The following RPS6KA2 variants were observed in gnomAD, a reference collection of about 807,000 sequenced individuals.
The protein encoded by RPS6KA2 is ribosomal protein S6 kinase alpha-2.
Under a neutral mutation model 91.8 loss-of-function variants are expected in RPS6KA2, and 42 were observed. That is an observed-to-expected ratio of 0.46 (90% CI 0.36 to 0.59). The LOEUF is 0.59. RPS6KA2 is among the 20% of genes least tolerant of loss of function. The pLI, the probability that RPS6KA2 is intolerant of heterozygous loss-of-function variation, is 0.00. For synonymous variants in RPS6KA2, 414 were observed against 393.6 expected (o/e 1.05, Z -0.61); for missense variants, 798 against 978.5 (o/e 0.82, Z 2.46).
intron 17 of RPS6KA2, among the ~76,000 whole-genome samples, chr6:166,422,254 T>C (rs1352576726): frequency 6.6e-6 from 1 of 152,204 alleles, no homozygotes; most frequent in East Asian, 1.9e-4. Flanking sequence ...GGATGACCCC[T>C]GCATAACCTA....
At chr6:166,702,501 C>T in intron 2 of RPS6KA2, 1 of 1,552,980 alleles carries the variant, frequency 6.4e-7, no homozygotes, top group Non-Finnish European at 8.9e-7. Context: ...AGTCAGTGTT[C>T]ACTTGCTGAC....
intron 2 of RPS6KA2, among the ~76,000 whole-genome samples, chr6:166,797,080 A>G (rs1486205809): frequency 6.6e-6 from 1 of 152,216 alleles, no homozygotes; most frequent in Non-Finnish European, 1.5e-5. Context: ...TGTCGGTCTG[A>G]GCACAGCTGA....
chr6:166,510,778 T>C (rs1782454672), intron 3 of RPS6KA2, among the ~76,000 whole-genome samples: 1 of 151,406 alleles, frequency 6.6e-6, no homozygotes, highest in Non-Finnish European at 1.5e-5. Context: ...ATCCAATCTA[T>C]ATTCAGTCCT....
At chr6:166,695,615 G>A (rs1436190443) in intron 2 of RPS6KA2, among the ~76,000 whole-genome samples, 1 of 152,214 alleles carries the variant, frequency 6.6e-6, no homozygotes, top group Non-Finnish European at 1.5e-5. Context: ...GCAAGCGAGT[G>A]TTACCTCTCT....
chr6:166,808,010 C>A (rs1400196102), intron 2 of RPS6KA2, among the ~76,000 whole-genome samples: 5 of 151,660 alleles, frequency 3.3e-5, no homozygotes, highest in African/African-American at 1.2e-4. Flanking sequence ...ACTGATGCAC[C>A]TCGGGATGCA....
intron 2 of RPS6KA2, among the ~76,000 whole-genome samples, chr6:166,772,165 C>T (rs1219885217): frequency 2.6e-5 from 4 of 152,216 alleles, no homozygotes; most frequent in African/African-American, 4.8e-5. Context: ...TTCTACCCAG[C>T]AGCCCTTCTC....
At position 166,449,378 on chromosome 6, in the gene RPS6KA2, C is replaced by T. The variant is rs558696008; in HGVS notation, c.1207-529G>A. Among the ~76,000 whole-genome samples the T allele has an allele frequency of 2.2e-3, 315 of 140,556 alleles. 1 individual carries two copies. Among genetic ancestry groups the T allele is most frequent in the African/African-American group, 7.4e-3 (293 of 39,568 alleles). The allele number at this position is 140,556 out of a possible 152,430, so 92.2% of individuals were successfully genotyped here. A position where few individuals can be genotyped will look rare whatever the true frequency, so the allele number is the denominator to read the frequency against. On this transcript the variant is annotated intron_variant, in intron 13 of 20. Transcript: ENST00000265678. ...GTCTACTTTACACACCTGTATTTCT[C>T]CAAAGGCCAGGGAAGGAAATAGGAT...
chr6:166,736,950 G>C (rs977570794), intron 2 of RPS6KA2, among the ~76,000 whole-genome samples: 1 of 141,040 alleles, frequency 7.1e-6, no homozygotes, highest in African/African-American at 2.6e-5. Context: ...GAAAATCCCT[G>C]AAGACATGTA....
At chr6:166,848,903 ATAAAAAATTAATTTT>A (rs1440166440) in intron 2 of RPS6KA2, among the ~76,000 whole-genome samples, 123 of 152,306 alleles carry the variant, frequency 8.1e-4, no homozygotes, top group African/African-American at 2.6e-3. Context: ...TCCTATTGAA[ATAAAAAATTAATTTT>A]TAAAAAATTA....
In RPS6KA2 at chr6:166,490,649, G is replaced by C; in HGVS notation, c.818+22C>G. On this transcript the variant is annotated intron_variant, in intron 9 of 20. Transcript: ENST00000265678. The surrounding 1 kb of genome is among the most constrained non-coding windows in gnomAD (Gnocchi z 4.2). ...ATCAGAAGGTGCTCGCAGGTCTCTGGGGTGGCTCCCACACTACTCACTTGA... is the reference window on the plus strand; with the variant it reads ...ATCAGAAGGTGCTCGCAGGTCTCTGCGGTGGCTCCCACACTACTCACTTGA... 6.4e-7 allele frequency: 1 copy of C among 1,574,646 alleles called. No individual in the cohort carries two copies. Among genetic ancestry groups the C allele is most frequent in the Non-Finnish European group, 8.7e-7 (1 of 1,148,960 alleles).
chr6:166,750,576 G>A (rs970570598), intron 2 of RPS6KA2, among the ~76,000 whole-genome samples: 1 of 152,236 alleles, frequency 6.6e-6, no homozygotes, highest in Admixed American at 6.5e-5. Flanking sequence ...CACAACGGGG[G>A]TTTCTGCATC....
chr6:166,413,430 GA>G (rs1053920262), intron 20 of RPS6KA2, among the ~76,000 whole-genome samples: 2 of 152,178 alleles, frequency 1.3e-5, no homozygotes, highest in Non-Finnish European at 2.9e-5. Context: ...ACACTTTTCA[GA>G]AAAGGAGTCC....
In RPS6KA2 at chr6:166,545,446, G is replaced by T. The variant is rs1362537845; in HGVS notation, c.100-6662C>A. On this transcript the variant is annotated intron_variant, in intron 1 of 20. Coordinates refer to ENST00000265678, the MANE Select transcript of RPS6KA2 (RefSeq NM_021135.6). ...AGAAGTCTCCGTTAAGCTACTCACT[G>T]AAGCTCCTCGGAACTGAGGCTGGGC... Among the ~76,000 whole-genome samples, 4 of 152,188 alleles carry T rather than the reference G, an allele frequency of 2.6e-5. No individual in the cohort carries two copies. The East Asian group carries it at 7.7e-4, about 29-fold the overall frequency.
intron 2 of RPS6KA2, among the ~76,000 whole-genome samples, chr6:166,724,588 C>A (rs1425479024): frequency 2.0e-5 from 3 of 152,228 alleles, no homozygotes; most frequent in Admixed American, 6.5e-5. Context: ...GCTCACCCCA[C>A]TTATGCTTTG....
chr6:166,815,111 G>A (rs1201830452), intron 2 of RPS6KA2, among the ~76,000 whole-genome samples: 1 of 152,162 alleles, frequency 6.6e-6, no homozygotes, highest in African/African-American at 2.4e-5. Context: ...GAAAACGAGA[G>A]ATACTCTAAG....
chr6:166,629,871 G>A (rs1029448257), upstream of RPS6KA2, among the ~76,000 whole-genome samples: 1 of 152,072 alleles, frequency 6.6e-6, no homozygotes, highest in African/African-American at 2.4e-5. Context: ...AGTGATTATC[G>A]AGCACTAACA....
intron 5 of RPS6KA2, among the ~76,000 whole-genome samples, chr6:166,506,972 G>T (rs1782250044): frequency 2.0e-5 from 3 of 152,138 alleles, no homozygotes; most frequent in Admixed American, 1.3e-4. Context: ...AGGGCCACGG[G>T]GCTCTCAGGG....
chr6:166,489,304 A>G (rs1781515341), intron 9 of RPS6KA2, among the ~76,000 whole-genome samples: 1 of 152,280 alleles, frequency 6.6e-6, no homozygotes, highest in African/African-American at 2.4e-5. Flanking sequence ...AAACATACAT[A>G]TAAAAAAGTC....
At chr6:166,788,062 A>G (rs1417674043) in intron 2 of RPS6KA2, among the ~76,000 whole-genome samples, 29 of 152,210 alleles carry the variant, frequency 1.9e-4, no homozygotes, top group Admixed American at 1.9e-3. Flanking sequence ...TATGCAGCCA[A>G]CAGACATATG....
Sources: allele counts gnomAD v4.1 joint callset (sites outside exome capture counted in the v4.1 genomes callset), GRCh38; gene constraint gnomAD v4.1.1; non-coding constraint Gnocchi (gnomAD v3.1); transcripts MANE v1.5; gene names NCBI Gene and HGNC (gene_info 2026-07-23, HGNC 2026-07-21).